TFAP2A: variants seen among roughly 807,000 people sequenced by gnomAD.
TFAP2A encodes transcription factor AP-2-alpha.
Under a neutral mutation model 41.5 loss-of-function variants are expected in TFAP2A, and 7 were observed. That is an observed-to-expected ratio of 0.17 (90% CI 0.10 to 0.32). The LOEUF (loss-of-function observed/expected upper bound fraction) is 0.32, where lower values mean the gene tolerates loss of function less well. Ranked by LOEUF, TFAP2A falls within the 10% of genes least tolerant of loss-of-function variation. The probability of loss-of-function intolerance (pLI) is 1.00; values close to 1 mark genes in which losing one functional copy is unlikely to be tolerated. For missense variants in TFAP2A, 416 were observed against 563.3 expected, an observed-to-expected ratio of 0.74 and a Z score of 2.65; for synonymous variants, 247 against 242.8, an observed-to-expected ratio of 1.02 and a Z score of -0.16.
upstream of TFAP2A, among the ~76,000 whole-genome samples, chr6:10,418,979 TG>T (rs1326545199): frequency 6.6e-6 from 1 of 151,888 alleles, no homozygotes; most frequent in Non-Finnish European, 1.5e-5. Flanking sequence ...CACTCAACCC[TG>T]GGGTCTAGGG....
At chr6:10,399,192 G>A (rs72836953) in intron 6 of TFAP2A, among the ~76,000 whole-genome samples, 4,861 of 152,136 alleles carry the variant, frequency 0.032, 154 homozygotes, top group Non-Finnish European at 0.043. Flanking sequence ...GTCCACACTC[G>A]TTCACCTTCA....
chr6:10,411,424 G>A (rs2113210737), intron 1 of TFAP2A: 1 of 1,352,340 alleles, frequency 7.4e-7, no homozygotes, highest in Non-Finnish European at 1.0e-6. Flanking sequence ...AGAGAAAGGC[G>A]GAAGGTGGGG....
At chr6:10,410,448 CT>C in intron 1 of TFAP2A, 113 bp from the exon 2 acceptor site, 2 of 1,100,644 alleles carry the variant, frequency 1.8e-6, no homozygotes, top group Non-Finnish European at 2.7e-6. Flanking sequence ...TTCCCGTTGG[CT>C]GGCCGCCGGG....
intron 3 of TFAP2A, 50 bp from the exon 4 acceptor site, chr6:10,404,789 A>ACG: frequency 6.5e-7 from 1 of 1,549,508 alleles, no homozygotes; most frequent in Non-Finnish European, 8.9e-7. Flanking sequence ...GATCACCCCC[A>ACG]AATCCTGCCC....
chr6:10,419,358 G>GCCCCCCCCCCCTCTCCC, upstream of TFAP2A: 1 of 1,573,958 alleles, frequency 6.4e-7, no homozygotes, highest in Admixed American at 1.7e-5. Context: ...CCCCGCTCCG[G>GCCCCCCCCCCCTCTCCC]CCCCCTCCCC....
chr6:10,411,970 C>G (rs2113213406), intron 1 of TFAP2A: 3 of 1,093,778 alleles, frequency 2.7e-6, no homozygotes, highest in Non-Finnish European at 3.3e-6. Context: ...TTAGCGGCGG[C>G]TTCGCTTGAG....
chr6:10,402,913 T>C (rs368033466), intron 4 of TFAP2A, among the ~76,000 whole-genome samples: 1 of 152,234 alleles, frequency 6.6e-6, no homozygotes, highest in East Asian at 1.9e-4. Flanking sequence ...TCTCTAGGGT[T>C]TGAGGTATTG....
intron 4 of TFAP2A, among the ~76,000 whole-genome samples, chr6:10,404,234 G>A (rs560949746): frequency 7.9e-5 from 12 of 152,344 alleles, no homozygotes; most frequent in African/African-American, 2.6e-4. Flanking sequence ...GGGCGGAGCG[G>A]AGGACTCCGC....
Position 10,400,593 on chromosome 6 carries a change from G to A in TFAP2A, c.890-4C>T. ...CTGGCTAGGTGGACAGCTTCTCCTG[G>A]CAAGAGGGGAGAGGAGGGAGCCAGT... On this transcript the variant is annotated splice_polypyrimidine_tract_variant and splice_region_variant and intron_variant, in intron 5 of 6. Transcript: ENST00000379613. The A allele has an allele frequency of 1.2e-6, 2 of 1,614,138 alleles. No individual in the cohort carries two copies. The highest frequency in any genetic ancestry group is 1.7e-6 in the Non-Finnish European group (2 of 1,180,028).
intron 1 of TFAP2A, chr6:10,414,605 G>C: frequency 2.0e-6 from 1 of 501,144 alleles, no homozygotes; most frequent in Non-Finnish European, 3.6e-6. Flanking sequence ...AAGATAACAC[G>C]AGGAGTGCAC....
chr6:10,401,433 A>G (rs1330873930), intron 5 of TFAP2A, among the ~76,000 whole-genome samples: 4 of 152,218 alleles, frequency 2.6e-5, no homozygotes, highest in Non-Finnish European at 4.4e-5. Context: ...GCACTGAACA[A>G]TTGCTGATTT....
chr6:10,411,656 C>T (rs901469488), intron 1 of TFAP2A: 5 of 1,611,150 alleles, frequency 3.1e-6, no homozygotes, highest in Non-Finnish European at 4.2e-6. Context: ...CTGGAGCGCC[C>T]GGCTGCCCCG....
At chr6:10,409,824 T>C in intron 2 of TFAP2A, 77 bp downstream of exon 2, 1 of 1,492,176 alleles carries the variant, frequency 6.7e-7, no homozygotes, top group Non-Finnish European at 9.1e-7. Flanking sequence ...CCACCGACTG[T>C]ATGTTCCAGG....
chr6:10,405,926 A>G (rs1757694283), intron 3 of TFAP2A: 1 of 152,216 alleles, frequency 6.6e-6, no homozygotes, highest in African/African-American at 2.4e-5. Flanking sequence ...TGGAAAGAGC[A>G]TCTCTTAAGA....
chr6:10,419,556 C>T (rs2113242218), upstream of TFAP2A: 2 of 1,413,354 alleles, frequency 1.4e-6, no homozygotes, highest in Non-Finnish European at 2.0e-6. Flanking sequence ...TTTTTACCTG[C>T]TCACCAACAT....
chr6:10,409,704 T>C (rs1181213188), intron 2 of TFAP2A, 197 bp downstream of exon 2: 8 of 627,426 alleles, frequency 1.3e-5, no homozygotes, highest in African/African-American at 9.2e-5. Flanking sequence ...CCAGAAACCA[T>C]TGTTCTGGGG....
rs1216897027 is a variant in TFAP2A, at chr6:10,415,024, C to G, written c.-33G>C. On this transcript the variant is annotated 5_prime_UTR_variant, in exon 1 of 7. Transcript: ENST00000379613. ...CGTGAACGGATATGCCCCTCTCGGT[C>G]TCGCACCCAAGTGGAGCTACTCTCT... 1.9e-6 allele frequency: 3 copies of G among 1,614,074 alleles called. No individual in the cohort carries two copies. In the South Asian group the frequency reaches 3.3e-5, roughly 18 times the overall value.
At chr6:10,404,416 A>T in intron 4 of TFAP2A, 92 bp downstream of exon 4, 2 of 798,702 alleles carry the variant, frequency 2.5e-6, no homozygotes, top group East Asian at 9.5e-5. Context: ...CCGCGGCGCG[A>T]GGCCTGTTTG....
upstream of TFAP2A, chr6:10,416,329 G>C (rs1291202214): frequency 1.3e-5 from 2 of 151,974 alleles, no homozygotes; most frequent in Non-Finnish European, 2.9e-5. Flanking sequence ...CCACCTACTC[G>C]TCCAGACTGG....
Sources: allele counts gnomAD v4.1 joint callset (sites outside exome capture counted in the v4.1 genomes callset), GRCh38; gene constraint gnomAD v4.1.1; transcripts MANE v1.5; gene names NCBI Gene and HGNC (gene_info 2026-07-23, HGNC 2026-07-21).